The following HGF variants were observed in gnomAD, a reference collection of about 807,000 sequenced individuals.
HGF encodes the protein fibroblast-derived tumor cytotoxic factor.
HGF carries 39 observed loss-of-function variants against 111.6 expected under a neutral mutation model. The observed-to-expected ratio is 0.35, with a 90% CI of 0.27 to 0.46. HGF has a LOEUF of 0.46. Ranked by LOEUF, HGF falls within the 20% of genes least tolerant of loss-of-function variation. The probability of loss-of-function intolerance (pLI) is 1.00; values close to 1 mark genes in which losing one functional copy is unlikely to be tolerated. For missense variants in HGF, 735 were observed against 910.5 expected (o/e 0.81, Z 2.48); for synonymous variants, 285 against 294.8 (o/e 0.97, Z 0.34).
At chr7:81,724,813 C>T (rs1789962928) in intron 9 of HGF, among the ~76,000 whole-genome samples, 1 of 152,134 alleles carries the variant, frequency 6.6e-6, no homozygotes, top group African/African-American at 2.4e-5. Context: ...TTTACATTCC[C>T]AACAGGGGGA....
At chr7:81,704,836 G>A (rs776739845) in intron 17 of HGF, among the ~76,000 whole-genome samples, 5 of 151,716 alleles carry the variant, frequency 3.3e-5, no homozygotes, top group African/African-American at 4.8e-5. Flanking sequence ...TTGCCAAGCC[G>A]AAATAACAGT....
intron 7 of HGF, among the ~76,000 whole-genome samples, chr7:81,732,123 G>T (rs1271490674): frequency 6.6e-6 from 1 of 152,116 alleles, no homozygotes; most frequent in East Asian, 1.9e-4. Flanking sequence ...GTCTTGATGA[G>T]TCCAGGTGTC....
chr7:81,755,888 G>C (rs1447177020), intron 4 of HGF: 2 of 625,330 alleles, frequency 3.2e-6, no homozygotes, highest in Non-Finnish European at 5.7e-6. Flanking sequence ...TTACTAGCTA[G>C]TGTTAATTAG....
chr7:81,726,019 T>C lies in HGF; in HGVS notation c.1041-2A>G. ...CGGCAGTAATTTTCTCGTAGGTCCC[T>C]ATTGAGAATAAGCATGTTAATGTAA... is the stretch of plus-strand genomic sequence containing the variant. On this transcript the variant is annotated splice_acceptor_variant, in intron 8 of 17. Transcript: ENST00000222390. LOFTEE classifies it high-confidence loss of function. 6.2e-7 allele frequency: 1 copy of C among 1,613,866 alleles called. No individual in the cohort carries two copies. The highest frequency in any genetic ancestry group is 8.5e-7 in the Non-Finnish European group (1 of 1,179,732).
At chr7:81,730,854 C>T (rs1463305382) in intron 7 of HGF, among the ~76,000 whole-genome samples, 1 of 152,150 alleles carries the variant, frequency 6.6e-6, no homozygotes, top group African/African-American at 2.4e-5. Flanking sequence ...CTGGATGAAA[C>T]TCAAGTTGGC....
intron 4 of HGF, among the ~76,000 whole-genome samples, chr7:81,754,027 T>C (rs565354057): frequency 3.3e-5 from 5 of 152,078 alleles, no homozygotes; most frequent in African/African-American, 1.2e-4. Flanking sequence ...TTTCAAGAAG[T>C]CATGCACTAA....
chr7:81,763,443 A>G (rs1460430592), intron 1 of HGF, among the ~76,000 whole-genome samples: 1 of 152,112 alleles, frequency 6.6e-6, no homozygotes, highest in East Asian at 1.9e-4. Flanking sequence ...TTTGGACACT[A>G]TTTCTTGGTA....
intron 17 of HGF, among the ~76,000 whole-genome samples, chr7:81,704,782 C>CT (rs2115754408): frequency 6.6e-6 from 1 of 151,924 alleles, no homozygotes; most frequent in African/African-American, 2.4e-5. Context: ...TCTAACTAAA[C>CT]TAACAGTTTA....
intron 1 of HGF, among the ~76,000 whole-genome samples, chr7:81,767,069 C>A (rs576703438): frequency 6.6e-6 from 1 of 152,198 alleles, no homozygotes; most frequent in Admixed American, 6.5e-5. Flanking sequence ...CACTTGTGAT[C>A]CTGTGCTAAG....
At position 81,723,841 on chromosome 7, in the gene HGF, T is replaced by C. The variant is rs147222006; in HGVS notation, c.1168+2049A>G. Among the ~76,000 whole-genome samples the C allele has an allele frequency of 2.0e-3, 304 of 151,314 alleles. 1 individual carries two copies. The highest frequency in any genetic ancestry group is 4.2e-3 in the Admixed American group (63 of 15,164). On this transcript the variant is annotated intron_variant, in intron 9 of 17. Coordinates refer to ENST00000222390, the MANE Select transcript of HGF (RefSeq NM_000601.6). ...ACACATATAGATATATATACACATA[T>C]ATATATATCTGTGTGTGTAGATTTA...
chr7:81,760,686 T>TGTGC (rs1562908917), intron 2 of HGF, among the ~76,000 whole-genome samples: 6 of 66,796 alleles, frequency 9.0e-5, no homozygotes, highest in African/African-American at 3.0e-4. Flanking sequence ...CGTGCGTGTG[T>TGTGC]GTGTGTGTGT....
intron 5 of HGF, 82 bp from the exon 6 acceptor site, chr7:81,745,202 C>T: frequency 7.0e-7 from 1 of 1,432,026 alleles, no homozygotes; most frequent in Non-Finnish European, 9.8e-7. Context: ...AGAACAGCAC[C>T]TGTTTAGTAA....
At chr7:81,730,094 G>A (rs1013825588) in intron 7 of HGF, among the ~76,000 whole-genome samples, 2 of 152,030 alleles carry the variant, frequency 1.3e-5, no homozygotes, top group Non-Finnish European at 2.9e-5. Flanking sequence ...TCTAAAATCA[G>A]CTTGCTTATA....
Position 81,725,940 on chromosome 7 carries a change from C to G in HGF, c.1118G>C (p.Arg373Pro). 2 of 1,614,030 alleles carry G rather than the reference C, an allele frequency of 1.2e-6. No individual in the cohort carries two copies. The highest frequency in any genetic ancestry group is 1.7e-6 in the Non-Finnish European group (2 of 1,179,938). ...PWCFTTDPNI[R>P]VGYCSQIPNC... ...TGGAATTTGGGAGCAGTAGCCAACT[C>G]GGATGTTTGGATCAGTGGTAAAACA... Residue 373 changes from arginine (R) to proline (P), a missense_variant, in exon 9 of 18, where the codon CGA (arginine) becomes CCA (proline). Arg to Pro is a moderately radical substitution (Grantham distance 103, BLOSUM62 -2). Around this residue, in one of 3 missense-constraint regions of HGF, gnomAD observed 553 missense variants for 685.6 expected, o/e 0.81. Transcript: ENST00000222390.
chr7:81,751,203 T>C (rs1274791351), intron 5 of HGF: 1 of 929,834 alleles, frequency 1.1e-6, no homozygotes, highest in Admixed American at 6.2e-5. Context: ...TATCTTAGTA[T>C]AAAACTTGGA....
At chr7:81,740,553 A>G (rs1332059208) in intron 7 of HGF, among the ~76,000 whole-genome samples, 1 of 152,220 alleles carries the variant, frequency 6.6e-6, no homozygotes, top group Non-Finnish European at 1.5e-5. Context: ...TCAGTTGACT[A>G]TAAGTGAATT....
chr7:81,726,565 G>T (rs1790018155), intron 8 of HGF, among the ~76,000 whole-genome samples: 2 of 151,988 alleles, frequency 1.3e-5, no homozygotes, highest in South Asian at 4.2e-4. Context: ...TTGATGCATT[G>T]ATTTATTTTA....
chr7:81,725,818 TA>T, intron 9 of HGF, 71 bp downstream of exon 9: 1 of 1,528,036 alleles, frequency 6.5e-7, no homozygotes, highest in Non-Finnish European at 9.1e-7. Context: ...TCTTATGCTG[TA>T]AAATGTGTCC....
chr7:81,760,798 A>G (rs1436671808), intron 2 of HGF, among the ~76,000 whole-genome samples: 4 of 151,882 alleles, frequency 2.6e-5, no homozygotes, highest in Non-Finnish European at 5.9e-5. Context: ...GGTTTTCTGC[A>G]CAGGTTGCCA....
Sources: gnomAD v4.1 joint callset for allele counts (sites outside exome capture counted in the v4.1 genomes callset) on GRCh38, gnomAD v4.1.1 for gene constraint, gnomAD v4.1.1 regional missense constraint, MANE v1.5 for transcripts, NCBI Gene and HGNC (gene_info 2026-07-23, HGNC 2026-07-21) for gene names.